The following NTM variants were observed in gnomAD, a reference collection of about 807,000 sequenced individuals.
The protein encoded by NTM is neurotrimin, also known as IgLON family member 2.
A neutral mutation model predicts 42.1 loss-of-function variants in NTM; 13 were observed. That is an observed-to-expected ratio of 0.31 (90% CI 0.20 to 0.49). The LOEUF is 0.49. NTM is among the 20% of genes least tolerant of loss of function. The pLI is 0.99. For missense variants in NTM, 373 were observed against 452.8 expected (o/e 0.82, Z 1.60); for synonymous variants, 187 against 179.2 (o/e 1.04, Z -0.35).
chr11:132,282,102 C>A (rs1277318308), intron 4 of NTM, among the ~76,000 whole-genome samples: 1 of 152,006 alleles, frequency 6.6e-6, no homozygotes, highest in Non-Finnish European at 1.5e-5. Flanking sequence ...TTTACTTTTA[C>A]TTATCTGGAA....
chr11:131,699,186 T>A (rs2135145447), intron 1 of NTM, among the ~76,000 whole-genome samples: 1 of 152,208 alleles, frequency 6.6e-6, no homozygotes, highest in East Asian at 1.9e-4. Context: ...TCTGCACAGA[T>A]TCTCTGAGCT....
At chr11:132,071,259 G>A (rs2057614054) in intron 2 of NTM, among the ~76,000 whole-genome samples, 5 of 127,998 alleles carry the variant, frequency 3.9e-5, no homozygotes, top group South Asian at 2.6e-4. Context: ...AAGTTAACAC[G>A]TCACACTGAC....
At chr11:132,140,682 T>C (rs1460994583) in intron 2 of NTM, among the ~76,000 whole-genome samples, 3 of 152,126 alleles carry the variant, frequency 2.0e-5, no homozygotes, top group East Asian at 3.9e-4. Flanking sequence ...TGGGGAAGTA[T>C]CCTGTTTTGT....
At chr11:131,790,737 A>G (rs61700253) in intron 1 of NTM, among the ~76,000 whole-genome samples, 10 of 152,208 alleles carry the variant, frequency 6.6e-5, no homozygotes, top group Non-Finnish European at 5.9e-5. Flanking sequence ...ACAGCTCACA[A>G]GACAGTAAGT....
chr11:131,781,025 C>T (rs973030991), intron 1 of NTM, among the ~76,000 whole-genome samples: 1 of 152,056 alleles, frequency 6.6e-6, no homozygotes, highest in Non-Finnish European at 1.5e-5. Flanking sequence ...CAGAAGACAA[C>T]TTTAGAAAGT....
chr11:131,834,381 C>T (rs1243932004), intron 1 of NTM, among the ~76,000 whole-genome samples: 1 of 151,990 alleles, frequency 6.6e-6, no homozygotes, highest in Non-Finnish European at 1.5e-5. Flanking sequence ...TAACTAATTA[C>T]TGATTTATCC....
intron 1 of NTM, among the ~76,000 whole-genome samples, chr11:131,831,463 T>C (rs1317063230): frequency 1.3e-5 from 2 of 152,160 alleles, no homozygotes; most frequent in African/African-American, 4.8e-5. Flanking sequence ...TCTTAGCCTA[T>C]GCCGTCCACA....
chr11:132,320,540 C>G (rs567919087), intron 7 of NTM, among the ~76,000 whole-genome samples: 25 of 152,326 alleles, frequency 1.6e-4, no homozygotes, highest in Admixed American at 3.9e-4. Flanking sequence ...CACGGAGTCT[C>G]GCTGATTGCT....
chr11:131,911,950 A>C (rs977764377), intron 2 of NTM, among the ~76,000 whole-genome samples: 15 of 152,070 alleles, frequency 9.9e-5, no homozygotes, highest in Admixed American at 2.6e-4. Flanking sequence ...TGTGCCTGGC[A>C]CTGTCTGTGC....
At chr11:131,851,508 C>T (rs965795366) in intron 1 of NTM, among the ~76,000 whole-genome samples, 1 of 150,898 alleles carries the variant, frequency 6.6e-6, no homozygotes, top group Non-Finnish European at 1.5e-5. Flanking sequence ...TGGTCTATAA[C>T]ATCACATGCC....
In NTM at chr11:131,789,491, AGGAAAG is replaced by A. The variant is rs1323500513; in HGVS notation, c.83-122072_83-122067del. Among the ~76,000 whole-genome samples, 41 of 4,332 alleles carry A rather than the reference AGGAAAG, an allele frequency of 9.5e-3. 18 individuals are homozygous for A. Among genetic ancestry groups the A allele is most frequent in the African/African-American group, 0.02 (22 of 1,082 alleles). The allele number at this position is 4,332 out of a possible 152,430, so 2.8% of individuals were successfully genotyped here. ...GAAGAAGAAGAAGAAGAAGAAGAAG[AGGAAAG>A]AAGAAGAAGAAGAAGAAGAAGAAGA... On this transcript the variant is annotated intron_variant, in intron 1 of 8. Coordinates refer to ENST00000683400, the MANE Select transcript of NTM (RefSeq NM_001352005.2).
At chr11:132,225,458 C>A (rs2086027480) in intron 4 of NTM, among the ~76,000 whole-genome samples, 1 of 152,088 alleles carries the variant, frequency 6.6e-6, no homozygotes, top group Non-Finnish European at 1.5e-5. Flanking sequence ...AGAGGGTGTT[C>A]CAGGCAGAGG....
chr11:131,696,308 G>A (rs369071291), intron 1 of NTM, among the ~76,000 whole-genome samples: 3 of 152,110 alleles, frequency 2.0e-5, no homozygotes, highest in African/African-American at 7.2e-5. Context: ...GGAAAACAAG[G>A]CTTGATGATA....
chr11:131,847,694 C>G (rs944861223), intron 1 of NTM, among the ~76,000 whole-genome samples: 1 of 151,928 alleles, frequency 6.6e-6, no homozygotes, highest in Admixed American at 6.6e-5. Flanking sequence ...CTAGTCATGC[C>G]TCAGAGCTCA....
At chr11:131,779,494 T>C (rs1839336880) in intron 1 of NTM, among the ~76,000 whole-genome samples, 2 of 152,198 alleles carry the variant, frequency 1.3e-5, no homozygotes, top group African/African-American at 2.4e-5. Flanking sequence ...TGATAGATGG[T>C]GTCCTTGCCA....
intron 1 of NTM, among the ~76,000 whole-genome samples, chr11:131,560,183 A>C (rs1032878161): frequency 6.6e-6 from 1 of 152,188 alleles, no homozygotes; most frequent in Non-Finnish European, 1.5e-5. Context: ...TCACAGACAG[A>C]AGTGACTCTC....
intron 2 of NTM, among the ~76,000 whole-genome samples, chr11:132,080,518 T>A (rs1000520029): frequency 6.6e-6 from 1 of 152,220 alleles, no homozygotes; most frequent in African/African-American, 2.4e-5. Flanking sequence ...TGGCTACTAC[T>A]GGGCACCATG....
At chr11:131,785,409 T>G (rs55902955) in intron 1 of NTM, among the ~76,000 whole-genome samples, 1 of 152,198 alleles carries the variant, frequency 6.6e-6, no homozygotes, top group African/African-American at 2.4e-5. Flanking sequence ...AAAAGTGAGA[T>G]TCAATTCTTC....
rs544959271 is a variant in NTM at position 131,502,552 on chromosome 11, G to C, written c.82+131664G>C. ...GCTATCACAGAGGCAAGTTGACGAG[G>C]GGTGCAAGAGAGTGAGGAGTCGGGG... On this transcript the variant is annotated intron_variant, in intron 1 of 8. Transcript: ENST00000683400. Among the ~76,000 whole-genome samples, 204 of 152,248 alleles carry C rather than the reference G, an allele frequency of 1.3e-3. 1 individual carries two copies. Among genetic ancestry groups the C allele is most frequent in the Non-Finnish European group, 2.4e-3 (164 of 68,018 alleles).
Sources: gnomAD v4.1 joint callset for allele counts (sites outside exome capture counted in the v4.1 genomes callset) on GRCh38, gnomAD v4.1.1 for gene constraint, MANE v1.5 for transcripts, NCBI Gene and HGNC (gene_info 2026-07-23, HGNC 2026-07-21) for gene names.